The following STON2 variants were observed in gnomAD, a reference collection of about 807,000 sequenced individuals.
STON2 encodes stonin 2.
STON2 carries 29 observed loss-of-function variants against 65.7 expected under a neutral mutation model. The ratio of observed to expected loss-of-function variants is 0.44; its 90% confidence interval spans 0.33 to 0.60. The LOEUF is 0.60. Among genes scored for constraint, STON2 ranks in the 20% least tolerant of loss-of-function variants. The pLI, the probability that STON2 is intolerant of heterozygous loss-of-function variation, is 0.03. For missense variants in STON2, 1,054 were observed against 1,118.1 expected, an observed-to-expected ratio of 0.94 and a Z score of 0.82; for synonymous variants, 404 against 414.2, an observed-to-expected ratio of 0.98 and a Z score of 0.30.
chr14:81,338,998 A>G (rs1897486501), intron 4 of STON2, among the ~76,000 whole-genome samples: 1 of 152,112 alleles, frequency 6.6e-6, no homozygotes, highest in Admixed American at 6.5e-5. Flanking sequence ...TAAAGCAAAG[A>G]GTGTGTGTAG....
intron 2 of STON2, among the ~76,000 whole-genome samples, chr14:81,396,959 G>A (rs1015979823): frequency 6.6e-6 from 1 of 152,164 alleles, no homozygotes; most frequent in Non-Finnish European, 1.5e-5. Context: ...TTGGGAAGCT[G>A]AGGCAGGAGA....
In STON2 at chr14:81,362,798, G is replaced by T. The variant is rs561073629; in HGVS notation, c.571+8190C>A. 3.4e-4 allele frequency among the ~76,000 whole-genome samples: 52 copies of T among 152,072 alleles called. No homozygotes were observed. In the South Asian group the frequency reaches 1.0e-2, roughly 29 times the overall value. On this transcript the variant is annotated intron_variant, in intron 4 of 7. Transcript: ENST00000614646. ...ATTTAAAAATTTTAAATTTAAAAAAGGATTAATTTATTCCACAAAAATCCA... is the reference window on the plus strand; with the variant it reads ...ATTTAAAAATTTTAAATTTAAAAAATGATTAATTTATTCCACAAAAATCCA...
intron 4 of STON2, among the ~76,000 whole-genome samples, chr14:81,351,556 G>A (rs1409532188): frequency 6.6e-6 from 1 of 152,216 alleles, no homozygotes; most frequent in African/African-American, 2.4e-5. Flanking sequence ...TATATCATCA[G>A]TAGGACTTTG....
intron 4 of STON2, among the ~76,000 whole-genome samples, chr14:81,358,721 A>C (rs1188171971): frequency 6.6e-6 from 1 of 152,176 alleles, no homozygotes; most frequent in Non-Finnish European, 1.5e-5. Flanking sequence ...TGGCAACCAA[A>C]AGAGAGCTGG....
intron 1 of STON2, among the ~76,000 whole-genome samples, chr14:81,427,839 C>A (rs1029372324): frequency 1.2e-4 from 18 of 152,268 alleles, no homozygotes; most frequent in African/African-American, 4.3e-4. Flanking sequence ...GGCCAGAGTG[C>A]ACAGATAGCC....
chr14:81,332,544 C>A (rs1420489237), intron 4 of STON2, among the ~76,000 whole-genome samples: 1 of 152,206 alleles, frequency 6.6e-6, no homozygotes, highest in Admixed American at 6.5e-5. Flanking sequence ...ATGTTCCCCA[C>A]ATGGGCTTGA....
In STON2 at chr14:81,278,709, T is replaced by A; in HGVS notation, c.773A>T (p.Glu258Val). The A allele has an allele frequency of 1.3e-6, 2 of 1,518,586 alleles. No homozygotes were observed. The highest frequency in any genetic ancestry group is 1.8e-6 in the Non-Finnish European group (2 of 1,135,884). The allele number at this position is 1,518,586 out of a possible 1,614,324, so 94.1% of individuals were successfully genotyped here. A position where few individuals can be genotyped will look rare whatever the true frequency, so the allele number is the denominator to read the frequency against. The change falls in exon 6 of 8, where the codon GAA (glutamate) becomes GTA (valine). Residue 258 changes from glutamate to valine, a missense_variant. Transcript: ENST00000614646. ...CCAGCTGATGGCCTCCATCTCTACT[T>A]CTTCATCTTCTTGAAGCGAGGAGGA... ...DNSSSLQEDEEVEMEAISWQA... is the reference protein window; with the variant it reads ...DNSSSLQEDEVVEMEAISWQA...
chr14:81,358,368 A>G (rs1898344432), intron 4 of STON2, among the ~76,000 whole-genome samples: 1 of 152,120 alleles, frequency 6.6e-6, no homozygotes, highest in Non-Finnish European at 1.5e-5. Flanking sequence ...TGTTCTACGT[A>G]AGCCTCTTGG....
rs149567007 is a variant in STON2, at chr14:81,311,463, C to T, written c.742+12554G>A. 1.8e-3 allele frequency among the ~76,000 whole-genome samples: 278 copies of T among 152,318 alleles called. 1 individual carries two copies. The highest frequency in any genetic ancestry group is 6.3e-3 in the African/African-American group (262 of 41,576). On this transcript the variant is annotated intron_variant, in intron 5 of 7. Transcript: ENST00000614646. ...TATCTCTTCAAGATATTATTAAATA[C>T]AGTAACAATTTTAAAAATCATACGA...
intron 2 of STON2, 79 bp from the exon 3 acceptor site, chr14:81,396,257 A>G (rs569633393): frequency 1.4e-6 from 2 of 1,444,214 alleles, no homozygotes; most frequent in East Asian, 2.3e-5. Flanking sequence ...AAAACTAAGG[A>G]TGACCATGGG....
intron 6 of STON2, 61 bp from the exon 7 acceptor site, chr14:81,270,933 A>G: frequency 6.4e-7 from 1 of 1,569,706 alleles, no homozygotes. Flanking sequence ...AGGAGCAGCC[A>G]AAGGAGCCAC....
chr14:81,379,373 A>G (rs978726793), intron 3 of STON2, among the ~76,000 whole-genome samples: 1 of 152,222 alleles, frequency 6.6e-6, no homozygotes, highest in African/African-American at 2.4e-5. Flanking sequence ...CAGACAATAA[A>G]GAAGATTAAA....
In STON2 at chr14:81,264,060, T is replaced by C; in HGVS notation, c.*4354A>G. 1 of 985,460 alleles carries C rather than the reference T, an allele frequency of 1.0e-6. No homozygotes were observed. The highest frequency in any genetic ancestry group is 1.2e-6 in the Non-Finnish European group (1 of 829,940). 61.0% of individuals were successfully genotyped at this position (985,460 alleles called of 1,614,324 possible). A position where few individuals can be genotyped will look rare whatever the true frequency, so the allele number is the denominator to read the frequency against. ...GTTGTGCACTCTATCAAATGCTTTC[T>C]TTTCCTACTGACCATTGAAATGGGC... On this transcript the variant is annotated 3_prime_UTR_variant, in exon 8 of 8. Coordinates refer to ENST00000614646, the MANE Select transcript of STON2 (RefSeq NM_001394390.1).
chr14:81,309,742 T>C (rs1434739140), intron 5 of STON2, among the ~76,000 whole-genome samples: 2 of 152,212 alleles, frequency 1.3e-5, no homozygotes, highest in African/African-American at 4.8e-5. Flanking sequence ...ATTCTTTCTG[T>C]CATCATTGCC....
chr14:81,322,429 C>T (rs1034353929), intron 5 of STON2, among the ~76,000 whole-genome samples: 1 of 152,168 alleles, frequency 6.6e-6, no homozygotes, highest in Admixed American at 6.5e-5. Flanking sequence ...TTCCTACCCC[C>T]ACTTCTTGCT....
rs1281953012 is a variant in STON2 at position 81,262,857 on chromosome 14, T to C, written c.*5557A>G. On this transcript the variant is annotated 3_prime_UTR_variant, in exon 8 of 8. Transcript: ENST00000614646. Reference sequence around the variant, plus strand: ...GTTTTCTACATTTGTGGTTGCCTTATACATCTCCTTCACGTTTAATTCCTT... The same window carrying C: ...GTTTTCTACATTTGTGGTTGCCTTACACATCTCCTTCACGTTTAATTCCTT... The C allele has an allele frequency of 1.0e-6, 1 of 985,260 alleles. No individual in the cohort carries two copies. The highest frequency in any genetic ancestry group is 1.2e-6 in the Non-Finnish European group (1 of 829,842). The allele number at this position is 985,260 out of a possible 1,614,324, so 61.0% of individuals were successfully genotyped here.
At chr14:81,303,936 C>A (rs1896069755) in intron 5 of STON2, among the ~76,000 whole-genome samples, 1 of 152,148 alleles carries the variant, frequency 6.6e-6, no homozygotes, top group Non-Finnish European at 1.5e-5. Context: ...GATCAAGAAA[C>A]AATTGCCTTT....
intron 4 of STON2, among the ~76,000 whole-genome samples, chr14:81,346,036 A>G (rs1157094002): frequency 6.6e-6 from 1 of 152,198 alleles, no homozygotes; most frequent in African/African-American, 2.4e-5. Context: ...TGTGCTCAGC[A>G]GCAGTAAATT....
intron 3 of STON2, among the ~76,000 whole-genome samples, chr14:81,389,487 A>C (rs1281257643): frequency 6.6e-6 from 1 of 152,268 alleles, no homozygotes; most frequent in African/African-American, 2.4e-5. Context: ...GATGGAAATT[A>C]ATGAACTAAG....
Sources: allele counts gnomAD v4.1 joint callset (sites outside exome capture counted in the v4.1 genomes callset), GRCh38; gene constraint gnomAD v4.1.1; transcripts MANE v1.5; gene names NCBI Gene and HGNC (gene_info 2026-07-23, HGNC 2026-07-21).